Variants in SPON1 observed in about 807,000 individuals in gnomAD.
SPON1 encodes the protein spondin-1.
Under a neutral mutation model 111.7 loss-of-function variants are expected in SPON1, and 52 were observed. That is an observed-to-expected ratio of 0.47 (90% CI 0.37 to 0.59). The LOEUF (loss-of-function observed/expected upper bound fraction) is 0.59. Ranked by LOEUF, SPON1 falls within the 20% of genes least tolerant of loss-of-function variation. The pLI, the probability that SPON1 is intolerant of heterozygous loss-of-function variation, is 0.00. For missense variants in SPON1, 957 were observed against 1,068.5 expected (o/e 0.90, Z 1.46); for synonymous variants, 410 against 395.8 (o/e 1.04, Z -0.43).
chr11:14,014,296 C>G (rs551591702), intron 2 of SPON1, among the ~76,000 whole-genome samples: 2 of 152,230 alleles, frequency 1.3e-5, no homozygotes, highest in African/African-American at 4.8e-5. Context: ...TTGTCATAGA[C>G]CAAGGAGGGT....
chr11:14,045,428 A>G (rs1848661397), intron 3 of SPON1, among the ~76,000 whole-genome samples: 1 of 151,788 alleles, frequency 6.6e-6, no homozygotes, highest in Non-Finnish European at 1.5e-5. Context: ...AAATACAAAA[A>G]TTAGCCAGGT....
intron 6 of SPON1, among the ~76,000 whole-genome samples, chr11:14,221,189 G>C (rs1554937542): frequency 6.6e-6 from 1 of 152,208 alleles, no homozygotes; most frequent in Non-Finnish European, 1.5e-5. Context: ...AATGGTGATA[G>C]ATCATGGAGA....
intron 2 of SPON1, among the ~76,000 whole-genome samples, chr11:14,039,074 T>C (rs548713453): frequency 6.6e-6 from 1 of 152,336 alleles, no homozygotes; most frequent in Admixed American, 6.5e-5. Context: ...TGCATATTAC[T>C]AAGTGAAAGA....
At chr11:14,110,118 C>A (rs1554925312) in intron 5 of SPON1, among the ~76,000 whole-genome samples, 2 of 152,162 alleles carry the variant, frequency 1.3e-5, no homozygotes, top group Non-Finnish European at 1.5e-5. Flanking sequence ...ACTGGCCATC[C>A]AGGGTAGGAA....
chr11:14,062,796 G>A (rs549774732), intron 3 of SPON1, among the ~76,000 whole-genome samples: 1 of 152,312 alleles, frequency 6.6e-6, no homozygotes, highest in East Asian at 1.9e-4. Flanking sequence ...CTAGGGAAAT[G>A]TACATCTTAA....
Position 14,262,981 on chromosome 11 carries a change from G to T in SPON1, c.2260+6G>T. On this transcript the variant is annotated splice_donor_region_variant and intron_variant, in intron 15 of 15. Transcript: ENST00000576479. ...TGAAGGGGAGCAGTTCCCAGGTATG[G>T]CTCCCAAGTGTCAGCCTGGGTGGTC... 6.2e-7 allele frequency: 1 copy of T among 1,611,730 alleles called. No individual in the cohort carries two copies. The highest frequency in any genetic ancestry group is 1.1e-5 in the South Asian group (1 of 90,982).
intron 7 of SPON1, among the ~76,000 whole-genome samples, chr11:14,243,864 T>C (rs1236101906): frequency 1.3e-5 from 2 of 152,206 alleles, no homozygotes; most frequent in African/African-American, 4.8e-5. Context: ...ACCAAGGGTA[T>C]GCTGACAGTC....
chr11:14,003,350 C>G (rs1209453736), intron 2 of SPON1, among the ~76,000 whole-genome samples: 2 of 152,104 alleles, frequency 1.3e-5, no homozygotes, highest in Non-Finnish European at 2.9e-5. Flanking sequence ...GATCCCTGCA[C>G]CGAACAGCGA....
intron 6 of SPON1, among the ~76,000 whole-genome samples, chr11:14,162,044 G>C (rs539202866): frequency 6.6e-6 from 1 of 151,820 alleles, no homozygotes; most frequent in South Asian, 2.1e-4. Flanking sequence ...TGTAATCCCA[G>C]CTACTCGGGA....
At chr11:14,114,158 C>A (rs1207996173) in intron 5 of SPON1, among the ~76,000 whole-genome samples, 1 of 152,140 alleles carries the variant, frequency 6.6e-6, no homozygotes, top group Admixed American at 6.5e-5. Context: ...TTCATTCTTT[C>A]TAATTTTTTT....
At chr11:14,100,041 T>C (rs1302727110) in intron 5 of SPON1, among the ~76,000 whole-genome samples, 1 of 152,080 alleles carries the variant, frequency 6.6e-6, no homozygotes, top group Admixed American at 6.5e-5. Flanking sequence ...TCTCCAATAC[T>C]GGGGGTTACA....
At chr11:14,247,115 G>A (rs960448461) in intron 7 of SPON1, among the ~76,000 whole-genome samples, 11 of 152,332 alleles carry the variant, frequency 7.2e-5, no homozygotes, top group African/African-American at 2.2e-4. Flanking sequence ...TGCATTAAAA[G>A]TCATGAGTAA....
intron 2 of SPON1, among the ~76,000 whole-genome samples, chr11:14,010,156 A>T (rs147057945): frequency 6.6e-6 from 1 of 152,212 alleles, no homozygotes; most frequent in East Asian, 1.9e-4. Flanking sequence ...AAGGGTCACA[A>T]CTCAGTTTTG....
Position 14,180,860 on chromosome 11 carries a change from C to G in SPON1, c.825+45292C>G, listed in dbSNP as rs150323531. Among the ~76,000 whole-genome samples the G allele has an allele frequency of 7.9e-5, 12 of 152,306 alleles. No individual in the cohort carries two copies. The East Asian group carries it at 2.3e-3, about 29-fold the overall frequency. On this transcript the variant is annotated intron_variant, in intron 6 of 15. Transcript: ENST00000576479. Reference sequence around the variant, plus strand: ...ATCTCTTGATTTTCTCCCCCAGCACCTGGTCCACAGCAGGGCTTAATTAAA... The same window carrying G: ...ATCTCTTGATTTTCTCCCCCAGCACGTGGTCCACAGCAGGGCTTAATTAAA...
chr11:14,244,619 A>T lies in SPON1; in HGVS notation c.890+1223A>T, dbSNP rs550940221. Reference sequence around the variant, plus strand: ...AAAATCTAACTGGGTGTGGTGGCGCATGCCTGTAGTCCCACCTACTCAGGA... The same window carrying T: ...AAAATCTAACTGGGTGTGGTGGCGCTTGCCTGTAGTCCCACCTACTCAGGA... On this transcript the variant is annotated intron_variant, in intron 7 of 15. Transcript: ENST00000576479. Among the ~76,000 whole-genome samples the T allele has an allele frequency of 1.3e-3, 203 of 151,858 alleles. 1 individual carries two copies. The highest frequency in any genetic ancestry group is 4.7e-3 in the African/African-American group (193 of 41,370).
chr11:14,167,737 A>C (rs1848047110), intron 6 of SPON1, among the ~76,000 whole-genome samples: 1 of 151,944 alleles, frequency 6.6e-6, no homozygotes, highest in African/African-American at 2.4e-5. Flanking sequence ...TTCTAAGAAA[A>C]CCCTGTTACT....
chr11:14,181,847 G>GGTTTTTT (rs1173380710), intron 6 of SPON1, among the ~76,000 whole-genome samples: 3 of 151,954 alleles, frequency 2.0e-5, no homozygotes, highest in Admixed American at 6.6e-5. Flanking sequence ...CTCATGTGTG[G>GGTTTTTT]GTTTTTTGTT....
chr11:14,236,760 G>A (rs1041532227), intron 6 of SPON1, among the ~76,000 whole-genome samples: 7 of 152,172 alleles, frequency 4.6e-5, no homozygotes, highest in Admixed American at 1.3e-4. Flanking sequence ...CAGAGCCAAG[G>A]AGAAAGCTTT....
At chr11:14,153,752 C>G (rs1184936599) in intron 6 of SPON1, among the ~76,000 whole-genome samples, 2 of 152,162 alleles carry the variant, frequency 1.3e-5, no homozygotes, top group Non-Finnish European at 2.9e-5. Flanking sequence ...AATCCCAAGT[C>G]TCATCTGAGA....
Sources: allele counts gnomAD v4.1 joint callset (sites outside exome capture counted in the v4.1 genomes callset), GRCh38; gene constraint gnomAD v4.1.1; transcripts MANE v1.5; gene names NCBI Gene and HGNC (gene_info 2026-07-23, HGNC 2026-07-21).